CENPE: variants seen among roughly 807,000 people sequenced by gnomAD.
The protein encoded by CENPE is centromere-associated protein E.
CENPE carries 145 observed loss-of-function variants against 336.1 expected under a neutral mutation model. The observed-to-expected ratio is 0.43, with a 90% CI of 0.38 to 0.50. The LOEUF (loss-of-function observed/expected upper bound fraction) is 0.50. CENPE is among the 20% of genes least tolerant of loss of function. The pLI, the probability that CENPE is intolerant of heterozygous loss-of-function variation, is 0.00. For synonymous variants in CENPE, 1,013 were observed against 984.8 expected (o/e 1.03, Z -0.54); for missense variants, 2,719 against 3,023.3 (o/e 0.90, Z 2.36).
chr4:103,158,775 T>C lies in CENPE; in HGVS notation c.2713A>G (p.Thr905Ala). 6.2e-7 allele frequency: 1 copy of C among 1,613,282 alleles called. No individual in the cohort carries two copies. Among genetic ancestry groups the C allele is most frequent in the Non-Finnish European group, 8.5e-7 (1 of 1,179,528 alleles). The change falls in exon 23 of 49, where the codon ACT (threonine) becomes GCT (alanine). Residue 905 changes from threonine (T) to alanine (A), a missense_variant. Coordinates refer to ENST00000265148, the MANE Select transcript of CENPE (RefSeq NM_001813.3). Reference protein sequence around the residue: ...QLENRDSTLQTVEREKTLITE... With the variant: ...QLENRDSTLQAVEREKTLITE... ...ATCAGTGTTTTCTCCCTTTCTACAG[T>C]TTGCAGCGTAGAATCTCTATTTTCT...
intron 21 of CENPE, among the ~76,000 whole-genome samples, chr4:103,159,556 T>C (rs754930263): frequency 6.6e-6 from 1 of 151,880 alleles, no homozygotes; most frequent in Admixed American, 6.6e-5. Flanking sequence ...GAAAGTAAGG[T>C]CTGCATGGAA....
At chr4:103,131,815 A>C (rs1751611561) in intron 42 of CENPE, among the ~76,000 whole-genome samples, 1 of 152,192 alleles carries the variant, frequency 6.6e-6, no homozygotes. Flanking sequence ...ACAAAACGTA[A>C]ATAAATATTA....
At chr4:103,158,260 A>G in intron 24 of CENPE, 40 bp downstream of exon 24, 1 of 1,494,514 alleles carries the variant, frequency 6.7e-7, no homozygotes, top group Non-Finnish European at 9.1e-7. Flanking sequence ...AAGAGTATAT[A>G]TACAAGCATA....
chr4:103,160,787 GT>G lies in CENPE; in HGVS notation c.2132-9del. 3 of 1,575,490 alleles carry G rather than the reference GT, an allele frequency of 1.9e-6. No individual in the cohort carries two copies. The highest frequency in any genetic ancestry group is 2.6e-6 in the Non-Finnish European group (3 of 1,163,306). Reference sequence around the variant, plus strand: ...CCAAATTACAGAGCAAATCTAGAAAGTTTTGGTAAATTGTATAAAGATCCAA... The same window carrying G: ...CCAAATTACAGAGCAAATCTAGAAAGTTTGGTAAATTGTATAAAGATCCAA... On this transcript the variant is annotated splice_polypyrimidine_tract_variant and intron_variant, in intron 20 of 48. Coordinates refer to ENST00000265148, the MANE Select transcript of CENPE (RefSeq NM_001813.3).
At chr4:103,141,133 G>T (rs745671868) in intron 35 of CENPE, 29 bp from the exon 36 acceptor site, 1 of 1,365,986 alleles carries the variant, frequency 7.3e-7, no homozygotes. Flanking sequence ...TAATATGTTA[G>T]GTGGCTTTTT....
intron 4 of CENPE, 105 bp from the exon 5 acceptor site, chr4:103,195,338 C>A: frequency 3.5e-6 from 3 of 858,784 alleles, no homozygotes; most frequent in Non-Finnish European, 5.1e-6. Flanking sequence ...GTAAAACAAA[C>A]TAAGAAACCC....
intron 11 of CENPE, among the ~76,000 whole-genome samples, chr4:103,182,174 C>G (rs889389208): frequency 2.0e-5 from 3 of 152,096 alleles, no homozygotes; most frequent in Non-Finnish European, 4.4e-5. Flanking sequence ...TCACCGCAAC[C>G]TCTGCCTCCT....
chr4:103,125,200 G>A (rs1481683253), intron 42 of CENPE, among the ~76,000 whole-genome samples: 2 of 152,154 alleles, frequency 1.3e-5, no homozygotes, highest in African/African-American at 4.8e-5. Context: ...ATTCCAATAT[G>A]ATTTGCAGAT....
chr4:103,159,024 C>T lies in CENPE; in HGVS notation c.2587G>A (p.Ala863Thr). Reference protein sequence around the residue: ...EAQKFDSSLGALKTELSYKTQ... With the variant: ...EAQKFDSSLGTLKTELSYKTQ... Reference sequence around the variant, plus strand: ...CTTGTACCAACCTCGGTCTTCAAAGCACCCAAACTCGAATCAAATTTTTGG... The same window carrying T: ...CTTGTACCAACCTCGGTCTTCAAAGTACCCAAACTCGAATCAAATTTTTGG... The change falls in exon 22 of 49, where the codon GCT becomes ACT. Residue 863 changes from alanine to threonine, a missense_variant. Ala to Thr is a moderately conservative substitution (Grantham distance 58, BLOSUM62 0). Around this residue, in one of 5 missense-constraint regions of CENPE, gnomAD observed 2,437 missense variants for 2,513.3 expected, o/e 0.97. Coordinates refer to ENST00000265148, the MANE Select transcript of CENPE (RefSeq NM_001813.3). The T allele has an allele frequency of 1.3e-6, 2 of 1,532,306 alleles. No individual in the cohort carries two copies. Among genetic ancestry groups the T allele is most frequent in the Non-Finnish European group, 1.7e-6 (2 of 1,146,890 alleles). 94.9% of individuals were successfully genotyped at this position (1,532,306 alleles called of 1,614,324 possible).
At chr4:103,134,041 T>A in intron 40 of CENPE, 149 bp from the exon 41 acceptor site, 1 of 644,456 alleles carries the variant, frequency 1.6e-6, no homozygotes, top group South Asian at 1.8e-5. Flanking sequence ...CTTCTCTCTA[T>A]CCCCAGTTTT....
intron 28 of CENPE, among the ~76,000 whole-genome samples, chr4:103,148,297 T>C (rs955245041): frequency 8.5e-5 from 13 of 152,200 alleles, no homozygotes; most frequent in Admixed American, 7.2e-4. Flanking sequence ...CCAATAAATG[T>C]ATGATCTCCA....
chr4:103,195,154 G>A lies in CENPE; in HGVS notation c.437C>T (p.Thr146Ile). The change falls in exon 5 of 49, where the codon ACT becomes ATT. Residue 146 changes from threonine (T) to isoleucine (I), a missense_variant. This residue lies in a region of CENPE where 106 missense variants were observed against 189.3 expected (regional missense o/e 0.56). Transcript: ENST00000265148. ...NETITDLLCGTQKMKPLIIRE... is the reference protein window; with the variant it reads ...NETITDLLCGIQKMKPLIIRE... ...AATAATTAAAGGTTTCATTTTTTGAGTGCCACAGAGTAAATCTGTAATGGT... is the reference window on the plus strand; with the variant it reads ...AATAATTAAAGGTTTCATTTTTTGAATGCCACAGAGTAAATCTGTAATGGT... The A allele has an allele frequency of 6.3e-7, 1 of 1,591,974 alleles. No homozygotes were observed.
At position 103,163,222 on chromosome 4, in the gene CENPE, T is replaced by A; in HGVS notation, c.1757A>T (p.Glu586Val). ...TAGCTTCTTAATCTGGTCTTCCTTT[T>A]CTCTAAGCAGCTCTACTTTTGAACT... ...ELSSKVELLR[E>V]KEDQIKKLQE... is the part of the protein sequence containing the mutation. The change falls in exon 18 of 49, where the codon GAA (glutamate) becomes GTA (valine). Residue 586 changes from glutamate to valine, a missense_variant. By Grantham distance (121) the Glu-to-Val change is moderately radical. Transcript: ENST00000265148. 6.2e-7 allele frequency: 1 copy of A among 1,609,260 alleles called. No individual in the cohort carries two copies. The highest frequency in any genetic ancestry group is 8.5e-7 in the Non-Finnish European group (1 of 1,176,554).
At chr4:103,114,222 A>C (rs1484212355) in intron 46 of CENPE, among the ~76,000 whole-genome samples, 2 of 152,196 alleles carry the variant, frequency 1.3e-5, no homozygotes, top group Admixed American at 1.3e-4. Context: ...TTGACAATAC[A>C]AAAGCAGAGT....
At chr4:103,139,645 G>T in intron 38 of CENPE, 144 bp downstream of exon 38, 2 of 640,004 alleles carry the variant, frequency 3.1e-6, no homozygotes, top group South Asian at 3.4e-5. Flanking sequence ...GTTTTCTATT[G>T]TGTAAAAATT....
At chr4:103,196,482 CTA>C (rs1386095489) in intron 2 of CENPE, among the ~76,000 whole-genome samples, 1 of 152,064 alleles carries the variant, frequency 6.6e-6, no homozygotes, top group African/African-American at 2.4e-5. Context: ...GTCAACTTTT[CTA>C]TGTTCTTTCA....
intron 16 of CENPE, among the ~76,000 whole-genome samples, chr4:103,171,043 A>G (rs1260328436): frequency 6.8e-6 from 1 of 148,048 alleles, no homozygotes; most frequent in Non-Finnish European, 1.5e-5. Flanking sequence ...GCAAATATTA[A>G]TCTGAAGGAA....
At chr4:103,155,702 G>A (rs939148831) in intron 24 of CENPE, among the ~76,000 whole-genome samples, 1 of 152,032 alleles carries the variant, frequency 6.6e-6, no homozygotes, top group African/African-American at 2.4e-5. Context: ...AAAAGTGAGA[G>A]AGAAGAACTA....
intron 16 of CENPE, among the ~76,000 whole-genome samples, chr4:103,174,530 T>A (rs186071384): frequency 4.1e-4 from 62 of 152,122 alleles, no homozygotes; most frequent in African/African-American, 1.5e-3. Flanking sequence ...AATAACTATG[T>A]GAGGTAGTAC....
Sources: gnomAD v4.1 joint callset for allele counts (sites outside exome capture counted in the v4.1 genomes callset) on GRCh38, gnomAD v4.1.1 for gene constraint, gnomAD v4.1.1 regional missense constraint, MANE v1.5 for transcripts, NCBI Gene and HGNC (gene_info 2026-07-23, HGNC 2026-07-21) for gene names.